Variants in MCPH1 observed in about 807,000 individuals in gnomAD.
MCPH1 encodes microcephalin 1.
MCPH1 carries 104 observed loss-of-function variants against 84.5 expected under a neutral mutation model. The ratio of observed to expected loss-of-function variants is 1.23; its 90% CI spans 1.05 to 1.45. The LOEUF (loss-of-function observed/expected upper bound fraction) is 1.45. Among genes scored for constraint, MCPH1 ranks in the 40% most tolerant of loss-of-function variants. MCPH1 has a pLI of 0.00. For missense variants in MCPH1, 1,498 were observed against 1,005.7 expected (o/e 1.49, Z -6.62); for synonymous variants, 514 against 366.8 (o/e 1.40, Z -4.58).
intron 2 of MCPH1, among the ~76,000 whole-genome samples, chr8:6,413,634 C>A (rs188243561): frequency 6.6e-6 from 1 of 151,972 alleles, no homozygotes; most frequent in African/African-American, 2.4e-5. Flanking sequence ...TACTCAACTT[C>A]ATTGTCTGAT....
intron 12 of MCPH1, among the ~76,000 whole-genome samples, chr8:6,525,568 G>A (rs1036507806): frequency 5.3e-5 from 8 of 152,096 alleles, no homozygotes; most frequent in African/African-American, 1.9e-4. Context: ...CACTTTTGGG[G>A]AATTATAAAA....
At chr8:6,454,456 A>C (rs998871497) in intron 8 of MCPH1, among the ~76,000 whole-genome samples, 20 of 152,198 alleles carry the variant, frequency 1.3e-4, no homozygotes, top group African/African-American at 3.6e-4. Flanking sequence ...TAAAGTAGGC[A>C]AACTGTTTGA....
intron 12 of MCPH1, 114 bp downstream of exon 12, chr8:6,500,043 A>G: frequency 1.2e-6 from 1 of 856,614 alleles, no homozygotes; most frequent in Non-Finnish European, 2.0e-6. Context: ...TATGCCCATA[A>G]TTAAAAAGAC....
At chr8:6,575,192 G>C (rs1826970074) in intron 12 of MCPH1, among the ~76,000 whole-genome samples, 2 of 152,208 alleles carry the variant, frequency 1.3e-5, no homozygotes, top group Non-Finnish European at 1.5e-5. Flanking sequence ...GCAGCAGGAA[G>C]ACCTATTTTC....
At chr8:6,568,033 G>T (rs1266142717) in intron 12 of MCPH1, among the ~76,000 whole-genome samples, 1 of 152,150 alleles carries the variant, frequency 6.6e-6, no homozygotes, top group Non-Finnish European at 1.5e-5. Flanking sequence ...GTTCCCATGT[G>T]TTCTCTGTGG....
At chr8:6,472,350 A>AGAT (rs1807838930) in intron 9 of MCPH1, among the ~76,000 whole-genome samples, 1 of 152,236 alleles carries the variant, frequency 6.6e-6, no homozygotes, top group South Asian at 2.1e-4. Flanking sequence ...TAACTTATCA[A>AGAT]TAGTAACACA....
rs1798285869 is a variant in MCPH1, at chr8:6,647,819, G to A, written c.*4770G>A. 1 of 152,206 alleles carries A rather than the reference G, an allele frequency of 6.6e-6. No individual in the cohort carries two copies. Among genetic ancestry groups the A allele is most frequent in the Admixed American group, 6.5e-5 (1 of 15,282 alleles). 9.4% of individuals were successfully genotyped at this position (152,206 alleles called of 1,614,324 possible). A position where few individuals can be genotyped will look rare whatever the true frequency, so the allele number is the denominator to read the frequency against. On this transcript the variant is annotated 3_prime_UTR_variant, in exon 14 of 14. Transcript: ENST00000344683. ...TGGAAACATTCTAAAACTGGATTGT[G>A]ATTTTGGTTACACAACTGTATACAT...
At chr8:6,618,836 G>C (rs137864467) in intron 12 of MCPH1, 5 of 152,232 alleles carry the variant, frequency 3.3e-5, no homozygotes, top group African/African-American at 1.2e-4. Flanking sequence ...AGTTTGGTCC[G>C]TCAGTGACTT....
chr8:6,532,386 G>T (rs1157634448), intron 12 of MCPH1: 1 of 1,613,820 alleles, frequency 6.2e-7, no homozygotes, highest in East Asian at 2.2e-5. Context: ...GGTTCAACAG[G>T]TTTGTCCCTA....
At chr8:6,484,746 A>G (rs982892787) in intron 11 of MCPH1, among the ~76,000 whole-genome samples, 1 of 152,226 alleles carries the variant, frequency 6.6e-6, no homozygotes, top group African/African-American at 2.4e-5. Flanking sequence ...CATCATGCCA[A>G]GTTGAATAGC....
chr8:6,514,925 G>T (rs926365842), intron 12 of MCPH1: 63 of 613,524 alleles, frequency 1.0e-4, no homozygotes, highest in South Asian at 1.0e-3. Context: ...CATCGGGGTT[G>T]TCTAAGAAAC....
intron 12 of MCPH1, among the ~76,000 whole-genome samples, chr8:6,586,323 A>C (rs1392703255): frequency 6.6e-6 from 1 of 152,132 alleles, no homozygotes; most frequent in Non-Finnish European, 1.5e-5. Flanking sequence ...AGTTTCTCAG[A>C]CCACTCAGGG....
chr8:6,643,160 T>G lies in MCPH1; in HGVS notation c.*111T>G, dbSNP rs1416361023. 2.2e-6 allele frequency: 2 copies of G among 903,802 alleles called. No individual in the cohort carries two copies. The highest frequency in any genetic ancestry group is 1.8e-6 in the Non-Finnish European group (1 of 556,234). The allele number at this position is 903,802 out of a possible 1,614,324, so 56.0% of individuals were successfully genotyped here. A position where few individuals can be genotyped will look rare whatever the true frequency, so the allele number is the denominator to read the frequency against. ...AAGGAACTGGCGTATACAAGATGACTTCTGATATCATGTTTGCCATGTGTT... is the reference window on the plus strand; with the variant it reads ...AAGGAACTGGCGTATACAAGATGACGTCTGATATCATGTTTGCCATGTGTT... On this transcript the variant is annotated 3_prime_UTR_variant, in exon 14 of 14. Transcript: ENST00000344683.
intron 8 of MCPH1, chr8:6,446,753 T>A: frequency 1.0e-6 from 1 of 985,310 alleles, no homozygotes; most frequent in Non-Finnish European, 1.2e-6. Context: ...TGAATAATAA[T>A]GACATGGAAA....
intron 13 of MCPH1, chr8:6,625,224 G>C (rs1563208885): frequency 1.0e-6 from 1 of 985,434 alleles, no homozygotes; most frequent in South Asian, 4.7e-5. Context: ...ATAAAACAGA[G>C]TCATAGCCTC....
At chr8:6,411,921 T>G (rs6994734) in intron 2 of MCPH1, among the ~76,000 whole-genome samples, 61,715 of 151,930 alleles carry the variant, frequency 0.41, 14,006 homozygotes, top group African/African-American at 0.63. Flanking sequence ...AAATCCTGTT[T>G]ATGTCCTTGT....
intron 12 of MCPH1, chr8:6,562,941 T>C (rs1274529898): frequency 1.3e-6 from 2 of 1,577,414 alleles, no homozygotes; most frequent in East Asian, 2.3e-5. Context: ...ACATTCTTTC[T>C]TCAGTAATAA....
chr8:6,639,794 A>G (rs1287047267), intron 13 of MCPH1, among the ~76,000 whole-genome samples: 2 of 152,210 alleles, frequency 1.3e-5, no homozygotes, highest in South Asian at 2.1e-4. Context: ...CCCTATGCCT[A>G]GAAGATCCTT....
chr8:6,409,400 A>T (rs200892494), intron 2 of MCPH1, 30 bp downstream of exon 2: 4 of 1,506,274 alleles, frequency 2.7e-6, no homozygotes, highest in African/African-American at 1.4e-5. Context: ...GTTGATTCAT[A>T]TGACAGTCTT....
Sources: allele counts gnomAD v4.1 joint callset (sites outside exome capture counted in the v4.1 genomes callset), GRCh38; gene constraint gnomAD v4.1.1; transcripts MANE v1.5; gene names NCBI Gene and HGNC (gene_info 2026-07-23, HGNC 2026-07-21).